MAGI2: variants seen among roughly 807,000 people sequenced by gnomAD.
MAGI2 encodes membrane associated guanylate kinase, WW and PDZ domain containing 2, also known as membrane-associated guanylate kinase, WW and PDZ domain-containing protein 2.
In MAGI2, 35 loss-of-function variants were observed where a neutral mutation model predicts 133.3. That is an observed-to-expected ratio of 0.26 (90% CI 0.20 to 0.35). The LOEUF is 0.35. Ranked by LOEUF, MAGI2 falls within the 10% of genes least tolerant of loss-of-function variation. The pLI, the probability that MAGI2 is intolerant of heterozygous loss-of-function variation, is 1.00. For missense variants in MAGI2, 1,636 were observed against 1,863.4 expected (o/e 0.88, Z 2.25); for synonymous variants, 729 against 710.6 (o/e 1.03, Z -0.41).
chr7:78,349,525 G>A (rs1353411318), intron 7 of MAGI2, among the ~76,000 whole-genome samples: 1 of 152,160 alleles, frequency 6.6e-6, no homozygotes, highest in Non-Finnish European at 1.5e-5. Context: ...TCTTAGAAAA[G>A]TTAATGTGCA....
At chr7:79,168,265 G>A (rs1041876863) in intron 1 of MAGI2, among the ~76,000 whole-genome samples, 5 of 151,886 alleles carry the variant, frequency 3.3e-5, no homozygotes, top group Non-Finnish European at 7.4e-5. Flanking sequence ...TCCCAACCGA[G>A]CTGGTCTCGG....
At chr7:78,930,587 CAT>C (rs1184687613) in intron 2 of MAGI2, among the ~76,000 whole-genome samples, 6 of 152,096 alleles carry the variant, frequency 3.9e-5, no homozygotes, top group African/African-American at 1.4e-4. Context: ...TAATTATAAA[CAT>C]GTACTCACTG....
At chr7:79,087,635 C>T (rs547935848) in intron 1 of MAGI2, among the ~76,000 whole-genome samples, 17 of 152,010 alleles carry the variant, frequency 1.1e-4, no homozygotes, top group Admixed American at 2.6e-4. Context: ...TTAGGTCCTA[C>T]GTTTAAGTAT....
At chr7:79,325,386 C>A (rs73704153) in intron 1 of MAGI2, among the ~76,000 whole-genome samples, 1 of 152,008 alleles carries the variant, frequency 6.6e-6, no homozygotes, top group Non-Finnish European at 1.5e-5. Flanking sequence ...TCTAAAGATG[C>A]CAGTCCTAGG....
chr7:78,255,678 A>T (rs1792893354), intron 10 of MAGI2: 1 of 581,890 alleles, frequency 1.7e-6, no homozygotes. Flanking sequence ...TGGGGATTTA[A>T]TCTTTACCCT....
intron 10 of MAGI2, among the ~76,000 whole-genome samples, chr7:78,220,430 T>A (rs1002873674): frequency 6.6e-6 from 1 of 152,178 alleles, no homozygotes; most frequent in African/African-American, 2.4e-5. Flanking sequence ...CTAAGTAGAT[T>A]ATAAGCTTCT....
chr7:79,221,400 C>G (rs1308832217), intron 1 of MAGI2, among the ~76,000 whole-genome samples: 1 of 151,992 alleles, frequency 6.6e-6, no homozygotes, highest in Non-Finnish European at 1.5e-5. Flanking sequence ...ACCTATGAGA[C>G]AGGTGCACAG....
chr7:78,664,730 A>G (rs1427244482), intron 2 of MAGI2, among the ~76,000 whole-genome samples: 1 of 151,892 alleles, frequency 6.6e-6, no homozygotes, highest in Admixed American at 6.6e-5. Context: ...TCTTTATTCT[A>G]TTCTAACAAT....
chr7:78,089,558 T>G (rs1007769642), intron 20 of MAGI2, among the ~76,000 whole-genome samples: 3 of 152,210 alleles, frequency 2.0e-5, no homozygotes, highest in Non-Finnish European at 4.4e-5. Flanking sequence ...TTGGAAACCT[T>G]TATTTGTTTT....
intron 21 of MAGI2, among the ~76,000 whole-genome samples, chr7:78,031,960 G>A (rs1010461896): frequency 2.0e-5 from 3 of 149,866 alleles, no homozygotes; most frequent in Non-Finnish European, 3.0e-5. Flanking sequence ...CATAAGTGAT[G>A]TGCAACTATA....
intron 2 of MAGI2, among the ~76,000 whole-genome samples, chr7:78,975,463 A>T (rs1313003293): frequency 1.3e-5 from 2 of 151,760 alleles, no homozygotes; most frequent in Non-Finnish European, 2.9e-5. Context: ...AAATTTTAAA[A>T]TACTTTGAAC....
chr7:78,197,933 G>A (rs1011785778), intron 11 of MAGI2: 6 of 152,664 alleles, frequency 3.9e-5, no homozygotes, highest in African/African-American at 1.4e-4. Context: ...TGCACCTTCT[G>A]AGGGGTGGAT....
At chr7:78,966,377 C>T (rs990028335) in intron 2 of MAGI2, among the ~76,000 whole-genome samples, 1 of 152,078 alleles carries the variant, frequency 6.6e-6, no homozygotes, top group Non-Finnish European at 1.5e-5. Flanking sequence ...TTCTACTGTG[C>T]TTCTGCAAAT....
At chr7:79,264,030 C>T (rs551871211) in intron 1 of MAGI2, among the ~76,000 whole-genome samples, 2 of 152,204 alleles carry the variant, frequency 1.3e-5, no homozygotes, top group South Asian at 4.2e-4. Flanking sequence ...TTAAAATTTT[C>T]AAGAAGCCAC....
intron 9 of MAGI2, among the ~76,000 whole-genome samples, chr7:78,335,497 T>C (rs1424957223): frequency 6.6e-6 from 1 of 152,188 alleles, no homozygotes; most frequent in East Asian, 1.9e-4. Context: ...AGGATTTCAC[T>C]CTTAAATATG....
chr7:78,851,796 C>T (rs372208315), intron 2 of MAGI2, among the ~76,000 whole-genome samples: 91 of 152,230 alleles, frequency 6.0e-4, no homozygotes, highest in African/African-American at 2.0e-3. Context: ...ATCTGTTAAA[C>T]ATTCTCTTGT....
intron 3 of MAGI2, among the ~76,000 whole-genome samples, chr7:78,535,622 T>C (rs1797822803): frequency 6.6e-6 from 1 of 151,860 alleles, no homozygotes; most frequent in Admixed American, 6.6e-5. Context: ...CAGGCTGAAC[T>C]AACTTTGGGA....
chr7:78,835,118 A>G (rs939423388), intron 2 of MAGI2, among the ~76,000 whole-genome samples: 3 of 152,208 alleles, frequency 2.0e-5, no homozygotes, highest in African/African-American at 7.2e-5. Context: ...GCTAGGTCAT[A>G]TAGTAACTCT....
intron 20 of MAGI2, among the ~76,000 whole-genome samples, chr7:78,088,505 G>A (rs960571571): frequency 3.9e-5 from 6 of 152,178 alleles, no homozygotes; most frequent in African/African-American, 1.2e-4. Flanking sequence ...GACTGTTTTC[G>A]AAGAATGGGC....
Sources: allele counts gnomAD v4.1 joint callset (sites outside exome capture counted in the v4.1 genomes callset), GRCh38; gene constraint gnomAD v4.1.1; transcripts MANE v1.5; gene names NCBI Gene and HGNC (gene_info 2026-07-23, HGNC 2026-07-21).